The following COX16 variants were observed in gnomAD, a reference collection of about 807,000 sequenced individuals.
COX16 encodes cytochrome c oxidase assembly protein COX16 homolog, mitochondrial.
COX16 carries 12 observed loss-of-function variants against 15.4 expected under a neutral mutation model. The ratio of observed to expected loss-of-function variants is 0.78; its 90% CI spans 0.50 to 1.26. The LOEUF (loss-of-function observed/expected upper bound fraction) is 1.26, where lower values mean the gene tolerates loss of function less well. Ranked by LOEUF, COX16 falls within the 50% of genes most tolerant of loss-of-function variation. The pLI is 0.00. For synonymous variants in COX16, 46 were observed against 41.1 expected (o/e 1.12, Z -0.46); for missense variants, 124 against 127.6 (o/e 0.97, Z 0.14).
chr14:70,326,515 C>G (rs575626535), intron 3 of COX16, 66 bp from the exon 4 acceptor site: 231 of 1,254,338 alleles, frequency 1.8e-4, no homozygotes, highest in Non-Finnish European at 2.3e-4. Flanking sequence ...GATTAGGACA[C>G]AACTAACTCA....
At chr14:70,327,840 G>A (rs1389528506) in intron 3 of COX16, among the ~76,000 whole-genome samples, 1 of 152,120 alleles carries the variant, frequency 6.6e-6, no homozygotes, top group East Asian at 1.9e-4. Context: ...AATGGGCTAT[G>A]TAAATGTGCT....
intron 3 of COX16, among the ~76,000 whole-genome samples, chr14:70,328,868 C>T (rs931897204): frequency 7.9e-5 from 12 of 151,686 alleles, no homozygotes; most frequent in African/African-American, 2.9e-4. Flanking sequence ...TTTAGAGCTT[C>T]TGGGTTTTAT....
At chr14:70,356,045 G>A (rs922774253) in intron 1 of COX16, among the ~76,000 whole-genome samples, 18 of 152,048 alleles carry the variant, frequency 1.2e-4, no homozygotes, top group Non-Finnish European at 1.8e-4. Context: ...ATGCTGTGCC[G>A]TGCTTCACAG....
chr14:70,359,064 A>T (rs555209074), intron 1 of COX16, among the ~76,000 whole-genome samples: 92 of 152,320 alleles, frequency 6.0e-4, no homozygotes, highest in African/African-American at 2.1e-3. Flanking sequence ...AGATACCAGG[A>T]ATTCGTGCAG....
At chr14:70,352,398 G>C (rs1320251693) in intron 1 of COX16, among the ~76,000 whole-genome samples, 1 of 151,938 alleles carries the variant, frequency 6.6e-6, no homozygotes, top group Non-Finnish European at 1.5e-5. Flanking sequence ...TGTTGCCCAG[G>C]CTGGTCTTGA....
intron 1 of COX16, among the ~76,000 whole-genome samples, chr14:70,349,203 CTCTA>C (rs1015987904): frequency 2.0e-5 from 3 of 152,198 alleles, no homozygotes; most frequent in African/African-American, 7.2e-5. Context: ...CCCAGTCCTG[CTCTA>C]TCTGCCACTC....
At chr14:70,329,072 T>G in intron 3 of COX16, 102 bp downstream of exon 3, 3 of 1,049,318 alleles carry the variant, frequency 2.9e-6, no homozygotes, top group Non-Finnish European at 4.0e-6. Flanking sequence ...TCAAATACCA[T>G]ATATATTCAA....
At chr14:70,356,443 C>A (rs988760020) in intron 1 of COX16, among the ~76,000 whole-genome samples, 1 of 152,160 alleles carries the variant, frequency 6.6e-6, no homozygotes, top group African/African-American at 2.4e-5. Flanking sequence ...TCCTAACAGG[C>A]CACAAACCAG....
In COX16 at chr14:70,325,494, G is replaced by T. The variant is rs1347470996; in HGVS notation, c.*839C>A. 1.3e-5 allele frequency: 2 copies of T among 152,308 alleles called. No individual in the cohort carries two copies. Among genetic ancestry groups the T allele is most frequent in the Non-Finnish European group, 1.5e-5 (1 of 68,134 alleles). 9.4% of individuals were successfully genotyped at this position (152,308 alleles called of 1,614,324 possible). On this transcript the variant is annotated 3_prime_UTR_variant, in exon 4 of 4. Transcript: ENST00000389912. ...CTCAGGATGCTGAGGCAGGAGAATG[G>T]TGTGAACCCGGGAAGCAGAGCTTGC...
rs924003856 is a variant in COX16, at chr14:70,359,592, G to A, written c.-5C>T. On this transcript the variant is annotated 5_prime_UTR_variant, in exon 1 of 4. Transcript: ENST00000389912. ...CATCACCGCGGGTGCAAACATGAGT[G>A]AACTCTTCCATCGGCTCAGAACTCC... 2 of 1,613,780 alleles carry A rather than the reference G, an allele frequency of 1.2e-6. No individual in the cohort carries two copies. The highest frequency in any genetic ancestry group is 2.7e-5 in the African/African-American group (2 of 74,918).
chr14:70,355,513 G>A (rs1189893216), intron 1 of COX16, among the ~76,000 whole-genome samples: 1 of 152,100 alleles, frequency 6.6e-6, no homozygotes, highest in Non-Finnish European at 1.5e-5. Flanking sequence ...ACGAATCCCA[G>A]TACCACCGGG....
intron 2 of COX16, among the ~76,000 whole-genome samples, chr14:70,334,117 G>C (rs1234838273): frequency 1.3e-5 from 2 of 152,180 alleles, no homozygotes; most frequent in African/African-American, 4.8e-5. Flanking sequence ...TAAGAATACT[G>C]CATGATATAC....
At chr14:70,352,476 C>T (rs901088089) in intron 1 of COX16, among the ~76,000 whole-genome samples, 2 of 152,022 alleles carry the variant, frequency 1.3e-5, no homozygotes, top group African/African-American at 2.4e-5. Flanking sequence ...CATGAGCCAC[C>T]ACACCCAGTG....
At chr14:70,337,363 A>G (rs1265052774) in intron 2 of COX16, among the ~76,000 whole-genome samples, 1 of 152,022 alleles carries the variant, frequency 6.6e-6, no homozygotes, top group Non-Finnish European at 1.5e-5. Flanking sequence ...GGGGCTAGGA[A>G]TAGTGAAGAA....
At position 70,326,265 on chromosome 14, in the gene COX16, A is replaced by ATATT; in HGVS notation, c.*64_*67dup. On this transcript the variant is annotated 3_prime_UTR_variant, in exon 4 of 4. Transcript: ENST00000389912. ...TTTCCTTTCCACTTGATAGAAGTAT[A>ATATT]TATTAGGAAGTCCAGTTAATAATAT... 7.9e-7 allele frequency: 1 copy of ATATT among 1,269,164 alleles called. No individual in the cohort carries two copies. Among genetic ancestry groups the ATATT allele is most frequent in the Middle Eastern group, 2.8e-4 (1 of 3,624 alleles). 78.6% of individuals were successfully genotyped at this position (1,269,164 alleles called of 1,614,324 possible).
intron 2 of COX16, among the ~76,000 whole-genome samples, chr14:70,338,328 G>T (rs1464682334): frequency 6.6e-6 from 1 of 152,158 alleles, no homozygotes; most frequent in Non-Finnish European, 1.5e-5. Flanking sequence ...GCCCAGGCTG[G>T]TCCTGAACTC....
chr14:70,347,970 C>T (rs1003204787), intron 1 of COX16, among the ~76,000 whole-genome samples: 1 of 152,104 alleles, frequency 6.6e-6, no homozygotes, highest in Non-Finnish European at 1.5e-5. Flanking sequence ...ACCTTTCCAT[C>T]TACTCCAGAA....
intron 2 of COX16, among the ~76,000 whole-genome samples, chr14:70,340,395 T>C (rs1435159106): frequency 4.6e-5 from 7 of 152,174 alleles, no homozygotes; most frequent in African/African-American, 1.7e-4. Flanking sequence ...TTATTAGCAG[T>C]GTGAAAACAG....
intron 2 of COX16, among the ~76,000 whole-genome samples, chr14:70,339,954 C>G (rs148974778): frequency 1.3e-4 from 20 of 152,280 alleles, no homozygotes; most frequent in Admixed American, 2.6e-4. Context: ...TTCAATCAAC[C>G]TCATTCTCTT....
Sources: gnomAD v4.1 joint callset for allele counts (sites outside exome capture counted in the v4.1 genomes callset) on GRCh38, gnomAD v4.1.1 for gene constraint, MANE v1.5 for transcripts, NCBI Gene and HGNC (gene_info 2026-07-23, HGNC 2026-07-21) for gene names.